Variants in SGCZ observed in about 807,000 individuals in gnomAD.
The protein encoded by SGCZ is sarcoglycan zeta.
A neutral mutation model predicts 41.3 loss-of-function variants in SGCZ; 40 were observed. The observed-to-expected ratio is 0.97, with a 90% CI of 0.75 to 1.26. The LOEUF (loss-of-function observed/expected upper bound fraction) is 1.26. Ranked by LOEUF, SGCZ falls within the 50% of genes most tolerant of loss-of-function variation. SGCZ has a pLI of 0.00. For synonymous variants in SGCZ, 206 were observed against 137.5 expected (o/e 1.50, Z -3.49); for missense variants, 552 against 369.8 (o/e 1.49, Z -4.04).
At chr8:14,339,368 C>T (rs1300206335) in intron 2 of SGCZ, among the ~76,000 whole-genome samples, 3 of 152,150 alleles carry the variant, frequency 2.0e-5, no homozygotes, top group Non-Finnish European at 4.4e-5. Context: ...AATGGTTGTT[C>T]TCTAAATGTT....
chr8:15,113,391 C>G (rs182831165), intron 1 of SGCZ, among the ~76,000 whole-genome samples: 3 of 152,260 alleles, frequency 2.0e-5, no homozygotes, highest in Non-Finnish European at 1.5e-5. Flanking sequence ...ACCAGATTTT[C>G]TCTTACAAGT....
chr8:14,862,366 G>A (rs1803780864), intron 1 of SGCZ, among the ~76,000 whole-genome samples: 1 of 151,826 alleles, frequency 6.6e-6, no homozygotes, highest in Non-Finnish European at 1.5e-5. Flanking sequence ...ATCACTAAGT[G>A]TGGCTGTTGT....
chr8:14,346,295 T>G (rs2117092261), intron 2 of SGCZ, among the ~76,000 whole-genome samples: 1 of 152,238 alleles, frequency 6.6e-6, no homozygotes, highest in East Asian at 1.9e-4. Flanking sequence ...TAAAAAATTC[T>G]ACTGTAGTAT....
intron 2 of SGCZ, among the ~76,000 whole-genome samples, chr8:14,355,563 C>T (rs73211808): frequency 0.052 from 7,909 of 151,820 alleles, 270 homozygotes; most frequent in Middle Eastern, 0.082. Context: ...TCAATAATAA[C>T]GTATATGCTC....
At chr8:14,254,385 G>A (rs1263740994) in intron 3 of SGCZ, among the ~76,000 whole-genome samples, 1 of 152,170 alleles carries the variant, frequency 6.6e-6, no homozygotes, top group East Asian at 1.9e-4. Flanking sequence ...AAATCAAATG[G>A]TGCCCTGCAC....
At chr8:15,108,109 G>A (rs1462433088) in intron 1 of SGCZ, among the ~76,000 whole-genome samples, 2 of 152,040 alleles carry the variant, frequency 1.3e-5, no homozygotes, top group African/African-American at 4.8e-5. Context: ...ACTACTTTCT[G>A]TTTAATAATT....
chr8:14,835,513 T>C (rs370351796), intron 1 of SGCZ, among the ~76,000 whole-genome samples: 1 of 152,332 alleles, frequency 6.6e-6, no homozygotes, highest in African/African-American at 2.4e-5. Context: ...CATTTCTCTC[T>C]GGTTTTTACA....
intron 1 of SGCZ, among the ~76,000 whole-genome samples, chr8:14,645,205 T>C (rs1006266465): frequency 1.3e-5 from 2 of 151,652 alleles, no homozygotes; most frequent in Non-Finnish European, 2.9e-5. Context: ...TTTAAATTAC[T>C]CTACAAAATT....
At chr8:14,427,610 T>C (rs956194338) in intron 2 of SGCZ, among the ~76,000 whole-genome samples, 7 of 152,182 alleles carry the variant, frequency 4.6e-5, no homozygotes, top group South Asian at 2.1e-4. Flanking sequence ...TTGAGGCTCA[T>C]CTTTCCTTGT....
chr8:14,195,831 GA>G (rs983341648), intron 4 of SGCZ, among the ~76,000 whole-genome samples: 4 of 152,010 alleles, frequency 2.6e-5, no homozygotes, highest in Non-Finnish European at 5.9e-5. Context: ...CAAAGTAAGT[GA>G]AAAAGACAAT....
chr8:14,269,353 G>A (rs888867444), intron 3 of SGCZ, among the ~76,000 whole-genome samples: 9 of 152,102 alleles, frequency 5.9e-5, no homozygotes, highest in South Asian at 2.1e-4. Context: ...AAACATTCTC[G>A]TGCTGTAATC....
intron 1 of SGCZ, among the ~76,000 whole-genome samples, chr8:15,186,181 G>A (rs946125054): frequency 6.8e-6 from 1 of 147,102 alleles, no homozygotes; most frequent in African/African-American, 2.6e-5. Context: ...AGAATGGCAT[G>A]AACCCGGGAG....
At chr8:14,590,432 T>G (rs1179724058) in intron 1 of SGCZ, among the ~76,000 whole-genome samples, 2 of 151,798 alleles carry the variant, frequency 1.3e-5, no homozygotes, top group South Asian at 4.1e-4. Context: ...TTTCATTATA[T>G]GTACAGCACA....
At chr8:14,102,231 C>T (rs1379582985) in intron 7 of SGCZ, 145 bp downstream of exon 7, 4 of 914,066 alleles carry the variant, frequency 4.4e-6, no homozygotes, top group Non-Finnish European at 5.9e-6. Context: ...GATATGGTAA[C>T]CTAATATTAC....
chr8:15,184,583 C>A (rs1439126516), intron 1 of SGCZ, among the ~76,000 whole-genome samples: 2 of 151,916 alleles, frequency 1.3e-5, no homozygotes, highest in Non-Finnish European at 2.9e-5. Context: ...AGATCTCTTG[C>A]ACTCTGGCCT....
chr8:15,165,238 G>C (rs1300403242), intron 1 of SGCZ, among the ~76,000 whole-genome samples: 1 of 152,128 alleles, frequency 6.6e-6, no homozygotes, highest in African/African-American at 2.4e-5. Context: ...AGTGAGCCGA[G>C]ATCACGCCAC....
chr8:14,928,443 G>T (rs372954460), intron 1 of SGCZ, among the ~76,000 whole-genome samples: 1 of 152,062 alleles, frequency 6.6e-6, no homozygotes, highest in Non-Finnish European at 1.5e-5. Context: ...TATAAAACGC[G>T]ATGACAATAT....
At chr8:14,286,318 C>G (rs1800626679) in intron 3 of SGCZ, among the ~76,000 whole-genome samples, 1 of 152,070 alleles carries the variant, frequency 6.6e-6, no homozygotes, top group Non-Finnish European at 1.5e-5. Context: ...TTTCATTAAG[C>G]CTTGTCCAAC....
chr8:14,564,502 T>C (rs1392184273), intron 1 of SGCZ, among the ~76,000 whole-genome samples: 1 of 152,088 alleles, frequency 6.6e-6, no homozygotes, highest in Non-Finnish European at 1.5e-5. Flanking sequence ...AAAGCTCAAA[T>C]GCATATTACA....
Sources: allele counts gnomAD v4.1 joint callset (sites outside exome capture counted in the v4.1 genomes callset), GRCh38; gene constraint gnomAD v4.1.1; transcripts MANE v1.5; gene names NCBI Gene and HGNC (gene_info 2026-07-23, HGNC 2026-07-21).